NEDD4L: variants seen among roughly 807,000 people sequenced by gnomAD.
The protein encoded by NEDD4L is E3 ubiquitin-protein ligase NEDD4-like.
In NEDD4L, 54 loss-of-function variants were observed where a neutral mutation model predicts 148.9. The observed-to-expected ratio is 0.36, with a 90% confidence interval of 0.29 to 0.45. The LOEUF (loss-of-function observed/expected upper bound fraction) is 0.45, where lower values mean the gene tolerates loss of function less well. Ranked by LOEUF, NEDD4L falls within the 20% of genes least tolerant of loss-of-function variation. The probability of loss-of-function intolerance (pLI) is 1.00; values close to 1 mark genes in which losing one functional copy is unlikely to be tolerated. For synonymous variants in NEDD4L, 433 were observed against 440.7 expected (o/e 0.98, Z 0.22); for missense variants, 856 against 1,233.8 (o/e 0.69, Z 4.59).
chr18:58,193,390 G>A (rs560435817), intron 2 of NEDD4L, among the ~76,000 whole-genome samples: 1 of 152,248 alleles, frequency 6.6e-6, no homozygotes, highest in Non-Finnish European at 1.5e-5. Context: ...CTGTCATACT[G>A]CAAACAGATG....
At chr18:58,303,662 A>G (rs2056753191) in intron 5 of NEDD4L, among the ~76,000 whole-genome samples, 2 of 152,206 alleles carry the variant, frequency 1.3e-5, no homozygotes, top group South Asian at 4.2e-4. Flanking sequence ...TCTTTTTCTA[A>G]GTACTCTGGG....
intron 1 of NEDD4L, among the ~76,000 whole-genome samples, chr18:58,075,335 T>C (rs1487828129): frequency 6.6e-6 from 1 of 152,102 alleles, no homozygotes; most frequent in East Asian, 1.9e-4. Context: ...ACTTTTTTAG[T>C]AAAGATGGGG....
At chr18:58,157,792 G>GT (rs545981513) in intron 1 of NEDD4L, among the ~76,000 whole-genome samples, 2 of 152,076 alleles carry the variant, frequency 1.3e-5, no homozygotes, top group Non-Finnish European at 2.9e-5. Flanking sequence ...TCTCACTGCT[G>GT]TTTTTTTCTT....
At chr18:58,181,012 G>A (rs2038805966) in intron 2 of NEDD4L, among the ~76,000 whole-genome samples, 1 of 152,238 alleles carries the variant, frequency 6.6e-6, no homozygotes, top group Admixed American at 6.5e-5. Flanking sequence ...TAGTCGATTG[G>A]AGTTCTTTTT....
At chr18:58,066,500 G>C (rs1265996270) in intron 1 of NEDD4L, among the ~76,000 whole-genome samples, 1 of 141,134 alleles carries the variant, frequency 7.1e-6, no homozygotes, top group Admixed American at 7.9e-5. Flanking sequence ...TGTATTTTTA[G>C]TAGAGACGGG....
chr18:58,202,907 G>A (rs1055127263), intron 2 of NEDD4L, among the ~76,000 whole-genome samples: 3 of 152,076 alleles, frequency 2.0e-5, no homozygotes, highest in Non-Finnish European at 4.4e-5. Context: ...CTGCTGCTGT[G>A]AGGTGTGTCC....
chr18:58,308,336 GT>G (rs1333265864), intron 5 of NEDD4L, among the ~76,000 whole-genome samples: 2 of 152,326 alleles, frequency 1.3e-5, no homozygotes, highest in African/African-American at 4.8e-5. Flanking sequence ...TACCTGGGGG[GT>G]TTCTACATCT....
At chr18:58,170,054 G>A (rs1178949933) in intron 2 of NEDD4L, among the ~76,000 whole-genome samples, 1 of 152,064 alleles carries the variant, frequency 6.6e-6, no homozygotes, top group East Asian at 1.9e-4. Flanking sequence ...AGGTCCTCAG[G>A]AAGTATTTAC....
chr18:58,276,990 G>A (rs2052179449), intron 5 of NEDD4L, among the ~76,000 whole-genome samples: 1 of 152,138 alleles, frequency 6.6e-6, no homozygotes, highest in Non-Finnish European at 1.5e-5. Context: ...TTCCCTTGGG[G>A]AGTATTTATT....
chr18:58,273,830 C>T (rs185602324), intron 5 of NEDD4L, among the ~76,000 whole-genome samples: 4 of 152,308 alleles, frequency 2.6e-5, no homozygotes, highest in African/African-American at 9.6e-5. Flanking sequence ...ATCTTTAAAA[C>T]CATAGGTAGA....
intron 2 of NEDD4L, among the ~76,000 whole-genome samples, chr18:58,184,939 A>AAG (rs1315820386): frequency 6.6e-6 from 1 of 151,840 alleles, no homozygotes; most frequent in Non-Finnish European, 1.5e-5. Flanking sequence ...AAAAAAAAAA[A>AAG]GAAAAGAAAA....
At chr18:58,223,373 T>G (rs947370682) in intron 2 of NEDD4L, among the ~76,000 whole-genome samples, 1 of 152,290 alleles carries the variant, frequency 6.6e-6, no homozygotes, top group African/African-American at 2.4e-5. Flanking sequence ...GGTATGAAAT[T>G]ATATGAATTC....
intron 5 of NEDD4L, among the ~76,000 whole-genome samples, chr18:58,270,116 C>G (rs568609595): frequency 1.3e-5 from 2 of 152,300 alleles, no homozygotes; most frequent in Admixed American, 6.5e-5. Flanking sequence ...CTCCAGGTAA[C>G]TAAAGTATCT....
At chr18:58,130,463 C>G (rs2031907447) in intron 1 of NEDD4L, among the ~76,000 whole-genome samples, 3 of 142,780 alleles carry the variant, frequency 2.1e-5, no homozygotes, top group Non-Finnish European at 3.0e-5. Context: ...TGGTTGTGAT[C>G]TAGCGGAACT....
intron 1 of NEDD4L, among the ~76,000 whole-genome samples, chr18:58,082,102 A>ATATATATATATATATTT: frequency 2.0e-5 from 1 of 48,856 alleles, no homozygotes; most frequent in African/African-American, 1.3e-4. Flanking sequence ...ATATATATAT[A>ATATATATATATATATTT]TTTTTTTTTT....
chr18:58,273,371 G>A (rs2051359709), intron 5 of NEDD4L, among the ~76,000 whole-genome samples: 1 of 152,162 alleles, frequency 6.6e-6, no homozygotes, highest in Non-Finnish European at 1.5e-5. Flanking sequence ...AGACTAGTAT[G>A]TAACATCTCC....
Position 58,370,462 on chromosome 18 carries a change from T to C in NEDD4L, c.2251T>C (p.Ser751Pro). The part of the protein sequence containing the change: ...GKQITLNDME[S>P]VDSEYYNSLK... ...GCAGATAACCCTGAATGACATGGAA[T>C]CTGTGGTAAGTAAATGCACGTCACA... Residue 751 changes from serine to proline, a missense_variant, in exon 23 of 31, where the codon TCT becomes CCT. By Grantham distance (74) the Ser-to-Pro change is moderately conservative. This residue lies in a region of NEDD4L where 286 missense variants were observed against 531.8 expected (regional missense o/e 0.54). Coordinates refer to ENST00000400345, the MANE Select transcript of NEDD4L (RefSeq NM_001144967.3). The C allele has an allele frequency of 6.2e-7, 1 of 1,605,244 alleles. No homozygotes were observed. Among genetic ancestry groups the C allele is most frequent in the Non-Finnish European group, 8.5e-7 (1 of 1,171,882 alleles).
intron 1 of NEDD4L, chr18:58,054,657 A>T (rs2082017893): frequency 6.5e-6 from 1 of 153,132 alleles, no homozygotes; most frequent in Non-Finnish European, 1.5e-5. Flanking sequence ...CCTTGCTCTC[A>T]TTCCTTTTGT....
chr18:58,278,152 T>C (rs1239052063), intron 5 of NEDD4L, among the ~76,000 whole-genome samples: 4 of 152,152 alleles, frequency 2.6e-5, no homozygotes, highest in Non-Finnish European at 4.4e-5. Flanking sequence ...TTTGATAGAA[T>C]TAAACTTCAG....
Sources: gnomAD v4.1 joint callset for allele counts (sites outside exome capture counted in the v4.1 genomes callset) on GRCh38, gnomAD v4.1.1 for gene constraint, gnomAD v4.1.1 regional missense constraint, MANE v1.5 for transcripts, NCBI Gene and HGNC (gene_info 2026-07-23, HGNC 2026-07-21) for gene names.